SH3BP2: variants seen among roughly 807,000 people sequenced by gnomAD.
SH3BP2 encodes SH3 domain-binding protein 2.
SH3BP2 carries 38 observed loss-of-function variants against 56.2 expected under a neutral mutation model. The ratio of observed to expected loss-of-function variants is 0.68; its 90% CI spans 0.52 to 0.89. The LOEUF (loss-of-function observed/expected upper bound fraction) is 0.89, where lower values mean the gene tolerates loss of function less well. Ranked by LOEUF, SH3BP2 falls within the 40% of genes least tolerant of loss-of-function variation. The pLI is 0.00. For synonymous variants in SH3BP2, 346 were observed against 316.7 expected (o/e 1.09, Z -0.98); for missense variants, 748 against 762.6 (o/e 0.98, Z 0.23).
chr4:2,823,796 A>C (rs1724441576), intron 3 of SH3BP2, among the ~76,000 whole-genome samples: 1 of 152,224 alleles, frequency 6.6e-6, no homozygotes, highest in African/African-American at 2.4e-5. Context: ...CAGTAGTGGA[A>C]CTGGGACCTT....
intron 5 of SH3BP2, 183 bp from the exon 6 acceptor site, chr4:2,827,047 C>A (rs545728343): frequency 1.4e-6 from 1 of 691,422 alleles, no homozygotes; most frequent in South Asian, 1.5e-5. Context: ...GTCAGCGTAT[C>A]CGTGTGTGCA....
At chr4:2,802,712 T>C (rs531331418) in intron 1 of SH3BP2, among the ~76,000 whole-genome samples, 5 of 138,958 alleles carry the variant, frequency 3.6e-5, no homozygotes, top group South Asian at 4.3e-4. Context: ...TATATCTATA[T>C]ACACACACAC....
In SH3BP2 at chr4:2,805,868, C is replaced by T. The variant is rs928317509; in HGVS notation, c.-5+12730C>T. ...TTCCAGGTGGAGGGCACTGCTGCTGCCAAGGTGCAGAGAGGGAAGGGGTGT... is the reference window on the plus strand; with the variant it reads ...TTCCAGGTGGAGGGCACTGCTGCTGTCAAGGTGCAGAGAGGGAAGGGGTGT... On this transcript the variant is annotated intron_variant, in intron 1 of 12. Transcript: ENST00000503393. Among the ~76,000 whole-genome samples the T allele has an allele frequency of 4.6e-5, 7 of 152,278 alleles. No homozygotes were observed. The South Asian group carries it at 1.4e-3, about 32-fold the overall frequency.
rs529772093 is a variant in SH3BP2, at chr4:2,811,915, C to G, written c.-4-8699C>G. The G allele has an allele frequency of 3.5e-5, 7 of 198,590 alleles. No homozygotes were observed. The South Asian group carries it at 5.3e-4, about 15-fold the overall frequency. The allele number at this position is 198,590 out of a possible 1,614,324, so 12.3% of individuals were successfully genotyped here. Reference sequence around the variant, plus strand: ...GAGCATGCTGGTAAGGTGACACCATCCCTGTGTGTGTTGTAAATGCTGCTC... The same window carrying G: ...GAGCATGCTGGTAAGGTGACACCATGCCTGTGTGTGTTGTAAATGCTGCTC... On this transcript the variant is annotated intron_variant, in intron 1 of 12. Coordinates refer to ENST00000503393, the MANE Select transcript of SH3BP2 (RefSeq NM_001122681.2).
intron 5 of SH3BP2, chr4:2,826,461 T>C (rs1463889299): frequency 4.3e-6 from 1 of 230,710 alleles, no homozygotes; most frequent in Admixed American, 5.4e-5. Flanking sequence ...GCTCTGTGTG[T>C]GTGCATGTCC....
At chr4:2,833,586 T>A (rs906792877) in intron 12 of SH3BP2, 111 bp from the exon 13 acceptor site, 9 of 1,423,774 alleles carry the variant, frequency 6.3e-6, no homozygotes, top group Admixed American at 2.0e-5. Context: ...GGGGCCAGCC[T>A]GGTGATGCCG....
chr4:2,831,502 G>T lies in SH3BP2; in HGVS notation c.1242-69G>T. 8.6e-7 allele frequency: 1 copy of T among 1,169,568 alleles called. No individual in the cohort carries two copies. Among genetic ancestry groups the T allele is most frequent in the South Asian group, 1.3e-5 (1 of 76,304 alleles). 72.4% of individuals were successfully genotyped at this position (1,169,568 alleles called of 1,614,324 possible). A position where few individuals can be genotyped will look rare whatever the true frequency, so the allele number is the denominator to read the frequency against. On this transcript the variant is annotated intron_variant, in intron 8 of 12. Transcript: ENST00000503393. The surrounding 1 kb of genome is among the most constrained non-coding windows in gnomAD (Gnocchi z 4.1). ...CTCACACAGAGGGTGGAGTGGGGAG[G>T]GGAGCAGAGGGTGGCCGCCCCGTGT... is the stretch of plus-strand genomic sequence containing the variant.
chr4:2,800,798 G>A (rs949797032), intron 1 of SH3BP2, among the ~76,000 whole-genome samples: 2 of 152,182 alleles, frequency 1.3e-5, no homozygotes, highest in African/African-American at 4.8e-5. Flanking sequence ...GGTGTCTTGG[G>A]GTGACCTGGC....
At chr4:2,802,689 A>G (rs1314789525) in intron 1 of SH3BP2, among the ~76,000 whole-genome samples, 4 of 137,570 alleles carry the variant, frequency 2.9e-5, no homozygotes, top group Non-Finnish European at 6.2e-5. Flanking sequence ...ATATATGTAT[A>G]TATGTATGTA....
chr4:2,821,360 G>T (rs187810715), intron 2 of SH3BP2, among the ~76,000 whole-genome samples: 132 of 152,346 alleles, frequency 8.7e-4, no homozygotes, highest in African/African-American at 2.9e-3. Flanking sequence ...GGACTGATTG[G>T]TTCCTGTACG....
chr4:2,824,962 G>T (rs749362416), intron 4 of SH3BP2, 164 bp from the exon 5 acceptor site: 10 of 724,058 alleles, frequency 1.4e-5, no homozygotes, highest in Non-Finnish European at 1.9e-5. Context: ...CCTGGGAGGT[G>T]CCCCTGTGGG....
intron 3 of SH3BP2, among the ~76,000 whole-genome samples, 176 bp from the exon 4 acceptor site, chr4:2,824,437 C>T (rs1047758036): frequency 2.6e-5 from 4 of 152,154 alleles, no homozygotes; most frequent in East Asian, 1.9e-4. Context: ...TGCCCCCTTA[C>T]GCCTGCCTGG....
In SH3BP2 at chr4:2,827,634, C is replaced by G; in HGVS notation, c.546C>G (p.Ser182=). Residue 182 remains serine (S), a synonymous_variant, in exon 7 of 13, where the codon TCC becomes TCG. Coordinates refer to ENST00000503393, the MANE Select transcript of SH3BP2 (RefSeq NM_001122681.2). ...ATGAGCACGACGATGAGGATGACTC[C>G]TACCTGGAGCCTGACTCCCCGGAGC... The part of the protein sequence containing the change: ...EDYEHDDEDD[S]YLEPDSPEPG... 6.3e-7 allele frequency: 1 copy of G among 1,599,100 alleles called. No homozygotes were observed. The highest frequency in any genetic ancestry group is 8.5e-7 in the Non-Finnish European group (1 of 1,172,698).
Position 2,829,870 on chromosome 4 carries a change from A to G in SH3BP2, c.964A>G (p.Ile322Val). The stretch of plus-strand genomic sequence containing the variant: ...GGCCTGCTCCACTTCCAGTGCTGCC[A>G]TCATGGCCACTGCCACCTCCAGAAA... ...HGACSTSSAA[I>V]MATATSRNCD... The change falls in exon 8 of 13, where the codon ATC becomes GTC. Residue 322 changes from isoleucine to valine, a missense_variant. Ile to Val is a conservative substitution (Grantham distance 29). Coordinates refer to ENST00000503393, the MANE Select transcript of SH3BP2 (RefSeq NM_001122681.2). The surrounding 1 kb of genome is among the most constrained non-coding windows in gnomAD (Gnocchi z 4.9). The G allele has an allele frequency of 6.2e-7, 1 of 1,613,780 alleles. No homozygotes were observed.
rs188453440 is a variant in SH3BP2, at chr4:2,816,575, G to T, written c.-4-4039G>T. ...TTTTACCACTAGGTATGTTAGCTGT[G>T]GGTTTTTCATAGAACCCTTTATCAG... On this transcript the variant is annotated intron_variant, in intron 1 of 12. Coordinates refer to ENST00000503393, the MANE Select transcript of SH3BP2 (RefSeq NM_001122681.2). 1.4e-4 allele frequency among the ~76,000 whole-genome samples: 22 copies of T among 152,228 alleles called. No individual in the cohort carries two copies. The East Asian group carries it at 3.7e-3, about 25-fold the overall frequency.
In SH3BP2 at chr4:2,835,720, G is replaced by A. The variant is rs1725207531; in HGVS notation, c.*1886G>A. 6.6e-6 allele frequency: 1 copy of A among 152,212 alleles called. No individual in the cohort carries two copies. The highest frequency in any genetic ancestry group is 6.6e-5 in the Admixed American group (1 of 15,262). The allele number at this position is 152,212 out of a possible 1,614,324, so 9.4% of individuals were successfully genotyped here. A position where few individuals can be genotyped will look rare whatever the true frequency, so the allele number is the denominator to read the frequency against. ...GCTCACTGCCACCTCCGCCTCTCTA[G>A]TTCAAGCGATTTTCCTGCCTCAGCC... is the stretch of plus-strand genomic sequence containing the variant. On this transcript the variant is annotated 3_prime_UTR_variant, in exon 13 of 13. Coordinates refer to ENST00000503393, the MANE Select transcript of SH3BP2 (RefSeq NM_001122681.2).
chr4:2,826,456 G>T (rs1169541151), intron 5 of SH3BP2: 30 of 219,834 alleles, frequency 1.4e-4, no homozygotes, highest in Admixed American at 2.2e-4. Context: ...GTGTTGCTCT[G>T]TGTGTGTGCA....
Position 2,832,022 on chromosome 4 carries a change from G to A in SH3BP2, c.1406+44G>A, listed in dbSNP as rs542619658. 89 of 1,593,722 alleles carry A rather than the reference G, an allele frequency of 5.6e-5. No individual in the cohort carries two copies. In the Middle Eastern group the frequency reaches 1.5e-3, roughly 27 times the overall value. On this transcript the variant is annotated intron_variant, in intron 10 of 12. Transcript: ENST00000503393. ...GTGTGCTGGGTCCTCCGCCATGCCCGGCTTCCTGCTTCTGTGTCCCTCTCA... is the reference window on the plus strand; with the variant it reads ...GTGTGCTGGGTCCTCCGCCATGCCCAGCTTCCTGCTTCTGTGTCCCTCTCA...
intron 1 of SH3BP2, chr4:2,796,394 A>G (rs1723062775): frequency 2.0e-6 from 2 of 985,210 alleles, no homozygotes; most frequent in Admixed American, 6.1e-5. Flanking sequence ...TTCCAAGGCC[A>G]TGAGAGTGGT....
Sources: allele counts gnomAD v4.1 joint callset (sites outside exome capture counted in the v4.1 genomes callset), GRCh38; gene constraint gnomAD v4.1.1; non-coding constraint Gnocchi (gnomAD v3.1); transcripts MANE v1.5; gene names NCBI Gene and HGNC (gene_info 2026-07-23, HGNC 2026-07-21).